Variants in RICTOR observed in about 807,000 individuals in gnomAD.
RICTOR encodes the protein RPTOR independent companion of MTOR complex 2.
A neutral mutation model predicts 214.9 loss-of-function variants in RICTOR; 49 were observed. That is an observed-to-expected ratio of 0.23 (90% CI 0.18 to 0.29). RICTOR has a LOEUF of 0.29. Among genes scored for constraint, RICTOR ranks in the 10% least tolerant of loss-of-function variants. RICTOR has a pLI of 1.00. For synonymous variants in RICTOR, 717 were observed against 711.3 expected (o/e 1.01, Z -0.13); for missense variants, 1,625 against 2,047.0 (o/e 0.79, Z 3.98).
rs1752680502 is a variant in RICTOR, at chr5:38,990,776, T to TATATGAG, written c.583+166_583+172dup. ...TATGATATATATGAGATATATGATA[T>TATATGAG]ATATGAGATATATGAGATATATGAT... On this transcript the variant is annotated intron_variant, in intron 7 of 37. Transcript: ENST00000357387. 2.8e-5 allele frequency among the ~76,000 whole-genome samples: 3 copies of TATATGAG among 105,430 alleles called. 1 individual carries two copies. Among genetic ancestry groups the TATATGAG allele is most frequent in the Non-Finnish European group, 3.9e-5 (2 of 51,106 alleles). 69.2% of individuals were successfully genotyped at this position (105,430 alleles called of 152,430 possible). A position where few individuals can be genotyped will look rare whatever the true frequency, so the allele number is the denominator to read the frequency against.
In RICTOR at chr5:38,958,538, A is replaced by G. The variant is rs774760991; in HGVS notation, c.2344-19T>C. The stretch of plus-strand genomic sequence containing the variant: ...GATTGGCCTAAAAGAGATTATCATT[A>G]TTTTTTTATAATTGCACAAAAATAG... On this transcript the variant is annotated intron_variant, in intron 23 of 37. Transcript: ENST00000357387. 2 of 1,593,598 alleles carry G rather than the reference A, an allele frequency of 1.3e-6. No homozygotes were observed. Among genetic ancestry groups the G allele is most frequent in the Non-Finnish European group, 1.7e-6 (2 of 1,166,610 alleles).
Position 38,940,530 on chromosome 5 carries a change from CTTGGG to C in RICTOR, c.*1769_*1773del, listed in dbSNP as rs1238326580. 4.3e-6 allele frequency: 1 copy of C among 232,566 alleles called. No individual in the cohort carries two copies. The highest frequency in any genetic ancestry group is 2.2e-5 in the African/African-American group (1 of 45,288). The allele number at this position is 232,566 out of a possible 1,614,324, so 14.4% of individuals were successfully genotyped here. A position where few individuals can be genotyped will look rare whatever the true frequency, so the allele number is the denominator to read the frequency against. On this transcript the variant is annotated 3_prime_UTR_variant, in exon 38 of 38. Transcript: ENST00000357387. ...AGTACTGTTGACATTTAAATAAACA[CTTGGG>C]TTCAGTGATAAAGTATAAAAAAATT...
chr5:39,071,039 G>A (rs1759284384), intron 2 of RICTOR, among the ~76,000 whole-genome samples: 1 of 152,064 alleles, frequency 6.6e-6, no homozygotes, highest in Admixed American at 6.5e-5. Flanking sequence ...TTTAACTGAG[G>A]CACTCTATGT....
intron 6 of RICTOR, among the ~76,000 whole-genome samples, chr5:38,996,182 C>T (rs1437801834): frequency 6.6e-6 from 1 of 152,186 alleles, no homozygotes; most frequent in Non-Finnish European, 1.5e-5. Flanking sequence ...ATATGACTGA[C>T]ACTTGTCTCA....
chr5:38,944,202 T>A (rs989546473), intron 36 of RICTOR: 3 of 575,846 alleles, frequency 5.2e-6, no homozygotes, highest in East Asian at 7.8e-5. Flanking sequence ...TTTTTGCAGA[T>A]CTCTTCAAAA....
At chr5:39,017,521 T>A (rs556317545) in intron 3 of RICTOR, among the ~76,000 whole-genome samples, 256 of 152,066 alleles carry the variant, frequency 1.7e-3, no homozygotes, top group African/African-American at 5.9e-3. Context: ...CAGTACCTAG[T>A]CAATGTTTTT....
chr5:38,946,661 T>C (rs1025367861), intron 32 of RICTOR, 109 bp from the exon 33 acceptor site: 6 of 670,918 alleles, frequency 8.9e-6, no homozygotes, highest in Non-Finnish European at 1.6e-5. Context: ...CCATAGCATA[T>C]GAACCTATAA....
intron 6 of RICTOR, among the ~76,000 whole-genome samples, 154 bp downstream of exon 6, chr5:38,996,665 T>C (rs566542321): frequency 2.6e-5 from 4 of 152,338 alleles, no homozygotes; most frequent in African/African-American, 9.6e-5. Context: ...CCTCAAAGTT[T>C]AATGAATTTA....
chr5:38,944,631 A>C, intron 35 of RICTOR, 62 bp from the exon 36 acceptor site: 55 of 1,392,146 alleles, frequency 4.0e-5, no homozygotes, highest in Non-Finnish European at 4.5e-5. Flanking sequence ...ATTAAAACTC[A>C]TGAAATTTAT....
At chr5:38,949,378 T>C (rs1748496198) in intron 31 of RICTOR, 1 of 1,588,528 alleles carries the variant, frequency 6.3e-7, no homozygotes, top group Non-Finnish European at 8.5e-7. Flanking sequence ...TTTGTTATTG[T>C]AGGTCTTAAG....
intron 2 of RICTOR, among the ~76,000 whole-genome samples, chr5:39,041,243 A>G (rs1279333274): frequency 1.3e-5 from 2 of 152,250 alleles, no homozygotes; most frequent in African/African-American, 4.8e-5. Context: ...GTACATTAAC[A>G]TGGAAATGTG....
chr5:39,057,739 C>G (rs1221396474), intron 2 of RICTOR, among the ~76,000 whole-genome samples: 1 of 152,096 alleles, frequency 6.6e-6, no homozygotes, highest in Non-Finnish European at 1.5e-5. Flanking sequence ...AGTCTAGACT[C>G]AGAGTCAGCA....
In RICTOR at chr5:38,975,620, AG is replaced by A; in HGVS notation, c.822-17del. On this transcript the variant is annotated splice_polypyrimidine_tract_variant and intron_variant, in intron 9 of 37. Transcript: ENST00000357387. ...TCTGTCTTCTCTGTTGGGGGTGGGG[AG>A]GCAGCGGGGAGAATCAATGAAATAA... The A allele has an allele frequency of 2.5e-6, 4 of 1,605,008 alleles. No homozygotes were observed. The highest frequency in any genetic ancestry group is 3.4e-6 in the Non-Finnish European group (4 of 1,172,066).
At chr5:38,990,512 C>CACGACATATAT (rs1752518676) in intron 7 of RICTOR, among the ~76,000 whole-genome samples, 1 of 92,092 alleles carries the variant, frequency 1.1e-5, no homozygotes, top group Non-Finnish European at 2.6e-5. Context: ...ACGATATATA[C>CACGACATATAT]ACGATATATA....
chr5:38,987,429 T>C (rs1182020975), intron 7 of RICTOR, among the ~76,000 whole-genome samples: 1 of 152,100 alleles, frequency 6.6e-6, no homozygotes, highest in East Asian at 1.9e-4. Context: ...TTCTTCTTGG[T>C]TTAGTCTTGG....
rs143948894 is a variant in RICTOR at position 39,061,818 on chromosome 5, T to C, written c.97+12293A>G. On this transcript the variant is annotated intron_variant, in intron 2 of 37. Coordinates refer to ENST00000357387, the MANE Select transcript of RICTOR (RefSeq NM_152756.5). Reference sequence around the variant, plus strand: ...GATATGAAGAACAACCAGAATCTTTTCAAATATATAACTTTTTTCATTCTG... The same window carrying C: ...GATATGAAGAACAACCAGAATCTTTCCAAATATATAACTTTTTTCATTCTG... Among the ~76,000 whole-genome samples the C allele has an allele frequency of 2.8e-3, 425 of 152,092 alleles. 2 individuals are homozygous for C. Among genetic ancestry groups the C allele is most frequent in the African/African-American group, 9.6e-3 (399 of 41,550 alleles).
chr5:38,966,911 G>A (rs1317721572), intron 14 of RICTOR, 190 bp from the exon 15 acceptor site: 5 of 585,212 alleles, frequency 8.5e-6, no homozygotes, highest in South Asian at 4.4e-5. Context: ...AGCAATTCTC[G>A]TGTGTCAGCC....
chr5:39,003,478 T>C, intron 4 of RICTOR, 80 bp downstream of exon 4: 2 of 909,320 alleles, frequency 2.2e-6, no homozygotes, highest in South Asian at 1.5e-5. Flanking sequence ...GCTGTATTAT[T>C]CTATTTCTAG....
At chr5:38,976,422 A>G (rs1751235440) in intron 9 of RICTOR, among the ~76,000 whole-genome samples, 1 of 152,224 alleles carries the variant, frequency 6.6e-6, no homozygotes, top group Non-Finnish European at 1.5e-5. Context: ...GCAATGACAG[A>G]ATATCAAATT....
Sources: allele counts gnomAD v4.1 joint callset (sites outside exome capture counted in the v4.1 genomes callset), GRCh38; gene constraint gnomAD v4.1.1; transcripts MANE v1.5; gene names NCBI Gene and HGNC (gene_info 2026-07-23, HGNC 2026-07-21).